The following KHDRBS2 variants were observed in gnomAD, a reference collection of about 807,000 sequenced individuals.
KHDRBS2 encodes the protein KH RNA binding domain containing, signal transduction associated 2.
In KHDRBS2, 26 loss-of-function variants were observed where a neutral mutation model predicts 44.3. The observed-to-expected ratio is 0.59, with a 90% CI of 0.43 to 0.81. The LOEUF is 0.81. KHDRBS2 is among the 40% of genes least tolerant of loss of function. KHDRBS2 has a pLI of 0.00. For missense variants in KHDRBS2, 476 were observed against 433.1 expected (o/e 1.10, Z -0.88); for synonymous variants, 194 against 151.1 (o/e 1.28, Z -2.08).
chr6:61,710,714 G>T (rs1217783174), intron 7 of KHDRBS2, among the ~76,000 whole-genome samples: 11 of 149,708 alleles, frequency 7.3e-5, no homozygotes. Flanking sequence ...ACCCTCCTAG[G>T]CAAGATTCAC....
intron 2 of KHDRBS2, among the ~76,000 whole-genome samples, chr6:62,156,906 T>G (rs1365529136): frequency 6.8e-6 from 1 of 148,086 alleles, no homozygotes; most frequent in Non-Finnish European, 1.5e-5. Flanking sequence ...AGGATGGTCT[T>G]GATCTCCGGA....
chr6:61,954,458 T>TGTATACATATATACGTATGTATGC (rs1765604599), intron 4 of KHDRBS2, among the ~76,000 whole-genome samples: 1 of 100,812 alleles, frequency 9.9e-6, no homozygotes, highest in African/African-American at 4.8e-5. Context: ...CGTATGTATG[T>TGTATACATATATACGTATGTATGC]ATGTATACGT....
At chr6:61,620,853 T>C in the KHDRBS2 span, among the ~76,000 whole-genome samples, 1 of 152,220 alleles carries the variant, frequency 6.6e-6, no homozygotes, top group Non-Finnish European at 1.5e-5. Context: ...GCTAAAATTA[T>C]TATTTAAAGC....
chr6:62,165,820 C>T (rs1425699819), intron 2 of KHDRBS2, among the ~76,000 whole-genome samples: 2 of 151,966 alleles, frequency 1.3e-5, no homozygotes, highest in Non-Finnish European at 2.9e-5. Context: ...AGCTGCATGT[C>T]ACTATACCTA....
chr6:62,187,541 T>A (rs747977420), intron 1 of KHDRBS2, among the ~76,000 whole-genome samples: 7 of 152,194 alleles, frequency 4.6e-5, no homozygotes, highest in Non-Finnish European at 1.0e-4. Context: ...TAAGTTTATA[T>A]ACAAAATATT....
chr6:61,571,255 C>G, the KHDRBS2 span, among the ~76,000 whole-genome samples: 1 of 151,960 alleles, frequency 6.6e-6, no homozygotes, highest in Non-Finnish European at 1.5e-5. Context: ...AAACCTAAAG[C>G]ATGCAGAAGT....
chr6:62,182,975 T>C (rs1822655631), intron 1 of KHDRBS2, among the ~76,000 whole-genome samples: 2 of 151,826 alleles, frequency 1.3e-5, no homozygotes, highest in Admixed American at 6.6e-5. Flanking sequence ...ACCCATGTGA[T>C]TTTTTTCCTG....
intron 6 of KHDRBS2, among the ~76,000 whole-genome samples, chr6:61,749,114 A>G (rs1450938404): frequency 1.3e-4 from 18 of 143,550 alleles, no homozygotes; most frequent in East Asian, 1.0e-3. Context: ...CCAGGTTCAC[A>G]CCATTGTCCT....
At chr6:61,571,638 C>A in the KHDRBS2 span, among the ~76,000 whole-genome samples, 6,758 of 152,162 alleles carry the variant, frequency 0.044, 155 homozygotes, top group East Asian at 0.087. Context: ...AGGGAACATT[C>A]TCCAAGATAC....
chr6:61,544,601 TG>T, the KHDRBS2 span, among the ~76,000 whole-genome samples: 1 of 152,156 alleles, frequency 6.6e-6, no homozygotes, highest in South Asian at 2.1e-4. Flanking sequence ...ATTTACTTCC[TG>T]ACTCTCAGGT....
intron 6 of KHDRBS2, among the ~76,000 whole-genome samples, chr6:61,796,773 C>T (rs759211040): frequency 4.6e-5 from 7 of 152,102 alleles, no homozygotes; most frequent in Admixed American, 4.6e-4. Context: ...TTCTGACAGA[C>T]ATTTAAAAGA....
intron 6 of KHDRBS2, among the ~76,000 whole-genome samples, chr6:61,837,329 C>T (rs548875595): frequency 1.2e-4 from 18 of 152,028 alleles, no homozygotes; most frequent in African/African-American, 4.3e-4. Flanking sequence ...TGCTTTTCTC[C>T]ATCTGTTATC....
At chr6:61,599,387 T>C in the KHDRBS2 span, among the ~76,000 whole-genome samples, 2 of 152,150 alleles carry the variant, frequency 1.3e-5, no homozygotes, top group Admixed American at 6.5e-5. Flanking sequence ...TCATACAAAG[T>C]CCCAGAGGTA....
At chr6:62,138,188 T>C (rs1405086748) in intron 2 of KHDRBS2, among the ~76,000 whole-genome samples, 2 of 152,196 alleles carry the variant, frequency 1.3e-5, no homozygotes, top group African/African-American at 4.8e-5. Context: ...TGATTCCAAA[T>C]ACGGTATACA....
At chr6:61,732,202 G>C (rs1361561092) in intron 7 of KHDRBS2, among the ~76,000 whole-genome samples, 2 of 151,814 alleles carry the variant, frequency 1.3e-5, no homozygotes, top group Non-Finnish European at 2.9e-5. Flanking sequence ...TCAATCTAAC[G>C]AGATATATTC....
At chr6:62,002,896 C>A (rs1778518148) in intron 3 of KHDRBS2, among the ~76,000 whole-genome samples, 2 of 151,894 alleles carry the variant, frequency 1.3e-5, no homozygotes, top group Admixed American at 1.3e-4. Flanking sequence ...AAAATAATAA[C>A]ATGCAATTTA....
chr6:62,067,485 T>G (rs909756510), intron 2 of KHDRBS2, among the ~76,000 whole-genome samples: 3 of 151,528 alleles, frequency 2.0e-5, no homozygotes. Flanking sequence ...GAGTGTACAT[T>G]CAGTCATGTA....
At chr6:61,955,147 CGTGT>C (rs1323985070) in intron 4 of KHDRBS2, among the ~76,000 whole-genome samples, 199 of 140,418 alleles carry the variant, frequency 1.4e-3, no homozygotes, top group African/African-American at 4.8e-3. Context: ...TATACACATA[CGTGT>C]GTATGTATGT....
intron 6 of KHDRBS2, among the ~76,000 whole-genome samples, chr6:61,839,832 C>G (rs1335465592): frequency 6.6e-6 from 1 of 152,008 alleles, no homozygotes; most frequent in Non-Finnish European, 1.5e-5. Context: ...GAAGCAGGAA[C>G]AGGTAAGAAA....
Sources: gnomAD v4.1 joint callset for allele counts (sites outside exome capture counted in the v4.1 genomes callset) on GRCh38, gnomAD v4.1.1 for gene constraint, MANE v1.5 for transcripts, NCBI Gene and HGNC (gene_info 2026-07-23, HGNC 2026-07-21) for gene names.